CNTN4: variants seen among roughly 807,000 people sequenced by gnomAD.
CNTN4 encodes the protein contactin 4.
In CNTN4, 77 loss-of-function variants were observed where a neutral mutation model predicts 122.5. The observed-to-expected ratio is 0.63, with a 90% CI of 0.52 to 0.76. The LOEUF is 0.76. CNTN4 is among the 30% of genes least tolerant of loss of function. The pLI, the probability that CNTN4 is intolerant of heterozygous loss-of-function variation, is 0.00. For synonymous variants in CNTN4, 512 were observed against 447.0 expected (o/e 1.15, Z -1.83); for missense variants, 1,256 against 1,259.1 (o/e 1.00, Z 0.04).
chr3:2,506,108 G>A (rs1284218956), intron 3 of CNTN4, among the ~76,000 whole-genome samples: 3 of 151,772 alleles, frequency 2.0e-5, no homozygotes, highest in Admixed American at 1.3e-4. Context: ...TCATGTGGAC[G>A]CCTTCCTTCT....
intron 3 of CNTN4, among the ~76,000 whole-genome samples, chr3:2,560,994 A>G (rs2078926792): frequency 6.6e-6 from 1 of 152,146 alleles, no homozygotes; most frequent in South Asian, 2.1e-4. Context: ...GCTACCAGTT[A>G]TCTGATTTTC....
intron 6 of CNTN4, among the ~76,000 whole-genome samples, chr3:2,796,428 G>A (rs1021958256): frequency 6.6e-6 from 1 of 152,046 alleles, no homozygotes; most frequent in East Asian, 1.9e-4. Flanking sequence ...AATATCACTT[G>A]ATTAGATTCA....
chr3:2,116,656 A>G (rs1300109468), intron 2 of CNTN4, among the ~76,000 whole-genome samples: 2 of 152,180 alleles, frequency 1.3e-5, no homozygotes, highest in Admixed American at 6.5e-5. Flanking sequence ...GAGGAAATTC[A>G]GGATTTTAAA....
At chr3:2,571,914 T>A (rs2079439144) in intron 4 of CNTN4, among the ~76,000 whole-genome samples, 1 of 152,144 alleles carries the variant, frequency 6.6e-6, no homozygotes, top group Non-Finnish European at 1.5e-5. Flanking sequence ...CCTACTTTCA[T>A]TTCAGTGGAT....
At chr3:2,223,237 A>G (rs2039132627) in intron 2 of CNTN4, among the ~76,000 whole-genome samples, 1 of 152,150 alleles carries the variant, frequency 6.6e-6, no homozygotes, top group East Asian at 1.9e-4. Context: ...GTAATTTTAC[A>G]CTGTTCCGTC....
chr3:2,887,897 T>C (rs904127829), intron 10 of CNTN4, among the ~76,000 whole-genome samples: 5 of 152,304 alleles, frequency 3.3e-5, no homozygotes, highest in Admixed American at 2.0e-4. Flanking sequence ...AAGGATTTCA[T>C]TGGATAGGCA....
At chr3:2,584,917 G>GTAGGTAGA (rs1553568428) in intron 4 of CNTN4, among the ~76,000 whole-genome samples, 2 of 151,148 alleles carry the variant, frequency 1.3e-5, no homozygotes, top group African/African-American at 4.9e-5. Context: ...AGGTAGGTAG[G>GTAGGTAGA]TAGATAGATA....
intron 2 of CNTN4, among the ~76,000 whole-genome samples, chr3:2,102,595 C>G (rs1559242514): frequency 6.6e-6 from 1 of 152,232 alleles, no homozygotes; most frequent in Non-Finnish European, 1.5e-5. Context: ...CAGCCTTCAT[C>G]TGTTCTGTGC....
At position 3,039,951 on chromosome 3, in the gene CNTN4, A is replaced by C. The variant is rs980985024; in HGVS notation, c.2164-86A>C. 7 of 904,680 alleles carry C rather than the reference A, an allele frequency of 7.7e-6. 1 individual carries two copies. In the South Asian group the frequency reaches 9.5e-5, roughly 12 times the overall value. 56.0% of individuals were successfully genotyped at this position (904,680 alleles called of 1,614,324 possible). On this transcript the variant is annotated intron_variant, in intron 19 of 24. Coordinates refer to ENST00000418658, the MANE Select transcript of CNTN4 (RefSeq NM_175607.3). ...AAGATGGGTGGAGAAGGATGTAGAC[A>C]AGAATGTTACAAGGGAAACAAAAAC...
At chr3:2,425,689 C>T (rs2047799861) in intron 3 of CNTN4, among the ~76,000 whole-genome samples, 1 of 152,176 alleles carries the variant, frequency 6.6e-6, no homozygotes, top group African/African-American at 2.4e-5. Flanking sequence ...GATATTGACT[C>T]TTCCTATCCA....
intron 6 of CNTN4, among the ~76,000 whole-genome samples, chr3:2,808,853 A>G (rs1009991021): frequency 1.3e-5 from 2 of 152,242 alleles, no homozygotes; most frequent in Non-Finnish European, 2.9e-5. Flanking sequence ...TTCCCTGGCT[A>G]TTGAGCATAC....
intron 4 of CNTN4, among the ~76,000 whole-genome samples, chr3:2,705,326 C>CCACTG (rs1218602703): frequency 7.0e-6 from 1 of 143,160 alleles, no homozygotes; most frequent in Non-Finnish European, 1.5e-5. Flanking sequence ...CGAGATTGTG[C>CCACTG]CACTGCACTC....
chr3:2,437,059 A>G (rs925802350), intron 3 of CNTN4, among the ~76,000 whole-genome samples: 1 of 151,992 alleles, frequency 6.6e-6, no homozygotes, highest in Non-Finnish European at 1.5e-5. Context: ...CTTTGTGTAT[A>G]GATTGCTTGA....
At position 2,575,406 on chromosome 3, in the gene CNTN4, G is replaced by A. The variant is rs549143648; in HGVS notation, c.55+3848G>A. Among the ~76,000 whole-genome samples the A allele has an allele frequency of 2.2e-3, 328 of 152,126 alleles. 4 individuals are homozygous for A. The highest frequency in any genetic ancestry group is 7.6e-3 in the African/African-American group (317 of 41,466). On this transcript the variant is annotated intron_variant, in intron 4 of 24. Coordinates refer to ENST00000418658, the MANE Select transcript of CNTN4 (RefSeq NM_175607.3). ...CACGTCTATAATGTCAGCTGCTCGG[G>A]AGGCTGAGGCATGAGAATCACTTGA...
At chr3:2,432,600 G>A (rs1001108000) in intron 3 of CNTN4, among the ~76,000 whole-genome samples, 1 of 151,910 alleles carries the variant, frequency 6.6e-6, no homozygotes, top group African/African-American at 2.4e-5. Context: ...GTATGTGTGT[G>A]TGTGCGTGTG....
intron 13 of CNTN4, among the ~76,000 whole-genome samples, chr3:2,931,374 C>T (rs186880813): frequency 3.3e-5 from 5 of 152,124 alleles, no homozygotes; most frequent in South Asian, 4.2e-4. Context: ...TACCACTTGC[C>T]GCAGTAGTAA....
At chr3:2,481,027 T>TTTTTC (rs1329016279) in intron 3 of CNTN4, among the ~76,000 whole-genome samples, 1 of 142,328 alleles carries the variant, frequency 7.0e-6, no homozygotes, top group Non-Finnish European at 1.6e-5. Flanking sequence ...CTTTCTTTTC[T>TTTTTC]TTTTCTTTTC....
chr3:2,189,086 T>C (rs1356198442), intron 2 of CNTN4, among the ~76,000 whole-genome samples: 4 of 152,148 alleles, frequency 2.6e-5, no homozygotes, highest in Non-Finnish European at 5.9e-5. Context: ...ACCTGAGATG[T>C]TTTGGAAATG....
intron 13 of CNTN4, among the ~76,000 whole-genome samples, chr3:2,969,474 G>A (rs1212739535): frequency 6.6e-6 from 1 of 151,922 alleles, no homozygotes; most frequent in Non-Finnish European, 1.5e-5. Flanking sequence ...CAAAGTACAT[G>A]GTCTGAAAGT....
Sources: allele counts gnomAD v4.1 joint callset (sites outside exome capture counted in the v4.1 genomes callset), GRCh38; gene constraint gnomAD v4.1.1; transcripts MANE v1.5; gene names NCBI Gene and HGNC (gene_info 2026-07-23, HGNC 2026-07-21).